The following CTNNA2 variants were observed in gnomAD, a reference collection of about 807,000 sequenced individuals.
The protein encoded by CTNNA2 is catenin alpha 2.
CTNNA2 carries 42 observed loss-of-function variants against 101.0 expected under a neutral mutation model. The ratio of observed to expected loss-of-function variants is 0.42; its 90% confidence interval spans 0.32 to 0.54. The LOEUF (loss-of-function observed/expected upper bound fraction) is 0.54, where lower values mean the gene tolerates loss of function less well. Ranked by LOEUF, CTNNA2 falls within the 20% of genes least tolerant of loss-of-function variation. The probability of loss-of-function intolerance (pLI) is 0.14; values close to 1 mark genes in which losing one functional copy is unlikely to be tolerated. For missense variants in CTNNA2, 871 were observed against 1,223.1 expected, an observed-to-expected ratio of 0.71 and a Z score of 4.29; for synonymous variants, 450 against 456.4, an observed-to-expected ratio of 0.99 and a Z score of 0.18.
chr2:79,868,806 G>A (rs1211748834), intron 4 of CTNNA2, among the ~76,000 whole-genome samples: 1 of 152,142 alleles, frequency 6.6e-6, no homozygotes, highest in African/African-American at 2.4e-5. Context: ...TCATGTTTAA[G>A]AACAGTTGAT....
intron 7 of CTNNA2, among the ~76,000 whole-genome samples, chr2:80,140,455 A>G (rs1196228992): frequency 2.0e-5 from 3 of 152,018 alleles, no homozygotes; most frequent in Non-Finnish European, 4.4e-5. Flanking sequence ...TTTGGATCCA[A>G]CATGGTCTTA....
At chr2:79,700,675 T>C (rs1684944928) in intron 2 of CTNNA2, among the ~76,000 whole-genome samples, 1 of 152,188 alleles carries the variant, frequency 6.6e-6, no homozygotes, top group Admixed American at 6.5e-5. Flanking sequence ...CCCATGTTTG[T>C]CACGGCTCTT....
intron 1 of CTNNA2, among the ~76,000 whole-genome samples, chr2:79,516,681 C>T (rs1671824072): frequency 6.6e-6 from 1 of 152,072 alleles, no homozygotes; most frequent in South Asian, 2.1e-4. Flanking sequence ...CTTTATCTCA[C>T]CTAAAGCCCC....
Position 80,174,722 on chromosome 2 carries a change from T to A in CTNNA2, c.1057-218489T>A, listed in dbSNP as rs541376178. ...CTCTTTCTCAAAGAATGGCAACTTA[T>A]GTTTATGTTATCTTTCTCTCTTTTC... On this transcript the variant is annotated intron_variant, in intron 7 of 18. Coordinates refer to ENST00000402739, the MANE Select transcript of CTNNA2 (RefSeq NM_001282597.3). 2.6e-5 allele frequency among the ~76,000 whole-genome samples: 4 copies of A among 152,352 alleles called. No homozygotes were observed. The South Asian group carries it at 8.3e-4, about 32-fold the overall frequency.
At chr2:79,425,970 G>A (rs1678588733) in intron 4 of CTNNA2, among the ~76,000 whole-genome samples, 1 of 152,098 alleles carries the variant, frequency 6.6e-6, no homozygotes, top group South Asian at 2.1e-4. Flanking sequence ...AAACACTAAT[G>A]AGTAGGCTTT....
rs562133829 is a variant in CTNNA2, at chr2:79,749,066, C to T, written c.298+4484C>T. ...TGAAAGGCATGCAGTTCATATAGTA[C>T]TTTCACGTATCACCATTTACCTAAC... On this transcript the variant is annotated intron_variant, in intron 3 of 18. Transcript: ENST00000402739. 1.5e-3 allele frequency among the ~76,000 whole-genome samples: 235 copies of T among 152,274 alleles called. 2 individuals carry two copies. Among genetic ancestry groups the T allele is most frequent in the African/African-American group, 5.3e-3 (222 of 41,540 alleles).
chr2:79,375,467 C>T (rs555965029), intron 4 of CTNNA2, among the ~76,000 whole-genome samples: 2 of 152,124 alleles, frequency 1.3e-5, no homozygotes, highest in African/African-American at 4.8e-5. Flanking sequence ...AAAGATCATG[C>T]ATTAATTGAT....
intron 7 of CTNNA2, among the ~76,000 whole-genome samples, chr2:79,955,071 C>T (rs1476075500): frequency 6.6e-6 from 1 of 152,186 alleles, no homozygotes; most frequent in African/African-American, 2.4e-5. Context: ...AGAGGTTACC[C>T]TCAGTCTGAC....
At position 79,928,413 on chromosome 2, in the gene CTNNA2, C is replaced by G. The variant is rs569257448; in HGVS notation, c.1056+18616C>G. Among the ~76,000 whole-genome samples, 9 of 152,214 alleles carry G rather than the reference C, an allele frequency of 5.9e-5. No homozygotes were observed. The South Asian group carries it at 1.9e-3, about 32-fold the overall frequency. On this transcript the variant is annotated intron_variant, in intron 7 of 18. Coordinates refer to ENST00000402739, the MANE Select transcript of CTNNA2 (RefSeq NM_001282597.3). ...TGAATAAGTGAGCCACTGACTGTAC[C>G]TTCAAGGAAATTATACCTTGTAGTG...
chr2:80,212,856 G>A (rs1167557409), intron 7 of CTNNA2, among the ~76,000 whole-genome samples: 2 of 152,092 alleles, frequency 1.3e-5, no homozygotes, highest in African/African-American at 4.8e-5. Context: ...AATTTTTTTG[G>A]TTGGTAGGCT....
At chr2:79,439,287 A>G (rs1678752735) in intron 4 of CTNNA2, among the ~76,000 whole-genome samples, 1 of 152,208 alleles carries the variant, frequency 6.6e-6, no homozygotes, top group Non-Finnish European at 1.5e-5. Context: ...AACCTTTTAA[A>G]CATTTGGCTA....
chr2:80,512,733 T>C (rs1688807352), intron 9 of CTNNA2, among the ~76,000 whole-genome samples: 1 of 152,170 alleles, frequency 6.6e-6, no homozygotes, highest in Admixed American at 6.5e-5. Context: ...TTCACCTATG[T>C]CAGTGTTTTT....
chr2:80,255,218 T>C (rs1324046136), intron 7 of CTNNA2, among the ~76,000 whole-genome samples: 4 of 152,198 alleles, frequency 2.6e-5, no homozygotes, highest in Non-Finnish European at 5.9e-5. Flanking sequence ...TGTGTTATTC[T>C]TTCAAAATAA....
intron 9 of CTNNA2, among the ~76,000 whole-genome samples, chr2:80,513,192 C>T (rs889919559): frequency 6.6e-6 from 1 of 152,140 alleles, no homozygotes; most frequent in Non-Finnish European, 1.5e-5. Context: ...AATTCATATG[C>T]ATAACTATTA....
chr2:79,998,411 T>G (rs1692703867), intron 7 of CTNNA2, among the ~76,000 whole-genome samples: 1 of 152,190 alleles, frequency 6.6e-6, no homozygotes, highest in Non-Finnish European at 1.5e-5. Flanking sequence ...CTTATCTAGT[T>G]GGGATGAGAA....
rs143677058 is a variant in CTNNA2 at position 79,703,361 on chromosome 2, T to C, written c.103-41026T>C. 1.9e-3 allele frequency among the ~76,000 whole-genome samples: 294 copies of C among 152,334 alleles called. 2 individuals carry two copies. Among genetic ancestry groups the C allele is most frequent in the African/African-American group, 6.9e-3 (286 of 41,574 alleles). ...CAAACTTGGAATAAGGTGATTGTAA[T>C]AAGTTGAACTGATGGATCATTCAAT... On this transcript the variant is annotated intron_variant, in intron 2 of 18. Coordinates refer to ENST00000402739, the MANE Select transcript of CTNNA2 (RefSeq NM_001282597.3).
intron 7 of CTNNA2, among the ~76,000 whole-genome samples, chr2:80,364,556 A>ATTTTTTTTTTT (rs57073635): frequency 1.6e-5 from 2 of 123,516 alleles, no homozygotes; most frequent in African/African-American, 3.0e-5. Flanking sequence ...AGAGAAAGTA[A>ATTTTTTTTTTT]TTTTTTTTTT....
intron 2 of CTNNA2, among the ~76,000 whole-genome samples, chr2:79,695,013 C>A (rs1441730583): frequency 6.9e-6 from 1 of 145,736 alleles, no homozygotes; most frequent in Non-Finnish European, 1.5e-5. Context: ...CCGTATGAAA[C>A]CAAGCCTTAC....
At chr2:79,367,870 T>C (rs1319637771) in intron 3 of CTNNA2, among the ~76,000 whole-genome samples, 1 of 152,212 alleles carries the variant, frequency 6.6e-6, no homozygotes, top group Non-Finnish European at 1.5e-5. Flanking sequence ...GGTACCATTA[T>C]TATAATCTGC....
Sources: allele counts gnomAD v4.1 joint callset (sites outside exome capture counted in the v4.1 genomes callset), GRCh38; gene constraint gnomAD v4.1.1; transcripts MANE v1.5; gene names NCBI Gene and HGNC (gene_info 2026-07-23, HGNC 2026-07-21).